Variants in CABP1 observed in about 807,000 individuals in gnomAD.
The protein encoded by CABP1 is calcium binding protein 1.
Under a neutral mutation model 34.3 loss-of-function variants are expected in CABP1, and 17 were observed. The ratio of observed to expected loss-of-function variants is 0.50; its 90% CI spans 0.34 to 0.74. The LOEUF (loss-of-function observed/expected upper bound fraction) is 0.74, where lower values mean the gene tolerates loss of function less well. Among genes scored for constraint, CABP1 ranks in the 30% least tolerant of loss-of-function variants. CABP1 has a pLI of 0.01. For missense variants in CABP1, 373 were observed against 511.1 expected, an observed-to-expected ratio of 0.73 and a Z score of 2.61; for synonymous variants, 198 against 229.2, an observed-to-expected ratio of 0.86 and a Z score of 1.23.
In CABP1 at chr12:120,640,650, A is replaced by AGCTCCGG. The variant is rs1879270048; in HGVS notation, c.-26_-20dup. 1 of 1,125,970 alleles carries AGCTCCGG rather than the reference A, an allele frequency of 8.9e-7. No individual in the cohort carries two copies. The highest frequency in any genetic ancestry group is 4.4e-5 in the East Asian group (1 of 22,762). The allele number at this position is 1,125,970 out of a possible 1,614,324, so 69.7% of individuals were successfully genotyped here. On this transcript the variant is annotated 5_prime_UTR_variant, in exon 1 of 6. Transcript: ENST00000316803. The surrounding 1 kb of genome is among the most constrained non-coding windows in gnomAD (Gnocchi z 6.2). ...CAGATCTGCACCGCCAGCCGCCGGG[A>AGCTCCGG]GCTCCGGGCTCCGGGCGTAGAGGCT...
At chr12:120,664,288 T>C (rs1880831445) in intron 5 of CABP1, among the ~76,000 whole-genome samples, 5 of 152,002 alleles carry the variant, frequency 3.3e-5, no homozygotes, top group Admixed American at 3.3e-4. Flanking sequence ...GGGGCTGCTA[T>C]AGAGGGGGCG....
At chr12:120,649,973 G>A (rs1413885256) in intron 1 of CABP1, 1 of 152,272 alleles carries the variant, frequency 6.6e-6, no homozygotes, top group African/African-American at 2.4e-5. Context: ...ATCTCCCTGA[G>A]CGCTTGTGTG....
chr12:120,648,926 C>G (rs974229859), intron 1 of CABP1, among the ~76,000 whole-genome samples: 1 of 151,746 alleles, frequency 6.6e-6, no homozygotes, highest in African/African-American at 2.4e-5. Flanking sequence ...CAACCCCAGA[C>G]CTCCCCGTCC....
intron 1 of CABP1, chr12:120,650,740 G>A: frequency 6.4e-7 from 1 of 1,560,514 alleles, no homozygotes; most frequent in Non-Finnish European, 8.8e-7. Context: ...CTCACCATCT[G>A]TCTCAGAGGT....
At chr12:120,643,963 A>G (rs1444349515) in intron 1 of CABP1, among the ~76,000 whole-genome samples, 7 of 152,240 alleles carry the variant, frequency 4.6e-5, no homozygotes, top group Non-Finnish European at 1.0e-4. Context: ...CTGAAGGCAC[A>G]AAGATGAATT....
At chr12:120,642,995 G>GGAA (rs530595621) in intron 1 of CABP1, among the ~76,000 whole-genome samples, 2 of 69,502 alleles carry the variant, frequency 2.9e-5, no homozygotes, top group African/African-American at 7.6e-5. Flanking sequence ...CTCAGCTCCT[G>GGAA]AAAAAAAAAA....
At chr12:120,647,801 C>T (rs940769850) in intron 1 of CABP1, among the ~76,000 whole-genome samples, 2 of 148,256 alleles carry the variant, frequency 1.3e-5, no homozygotes, top group Non-Finnish European at 3.0e-5. Context: ...AGGCTGGCCT[C>T]GAACTCCTGA....
intron 1 of CABP1, among the ~76,000 whole-genome samples, chr12:120,645,025 G>A (rs1443012688): frequency 2.6e-5 from 4 of 152,132 alleles, no homozygotes; most frequent in Non-Finnish European, 5.9e-5. Context: ...GGCTGGTCTC[G>A]AACTCCTGAC....
At position 120,652,857 on chromosome 12, in the gene CABP1, G is replaced by C. The variant is rs555701241; in HGVS notation, c.655-7021G>C. On this transcript the variant is annotated intron_variant, in intron 1 of 5. Transcript: ENST00000316803. ...TGCCATGCCACACTTAGGAGACGTT[G>C]CCTTGGTGCCAGGAGAAATTGTCGG... 1.8e-4 allele frequency among the ~76,000 whole-genome samples: 28 copies of C among 152,284 alleles called. 1 individual carries two copies. The South Asian group carries it at 4.6e-3, about 25-fold the overall frequency.
In CABP1 at chr12:120,659,875, C is replaced by T; in HGVS notation, c.655-3C>T. 1 of 1,613,754 alleles carries T rather than the reference C, an allele frequency of 6.2e-7. No homozygotes were observed. The highest frequency in any genetic ancestry group is 8.5e-7 in the Non-Finnish European group (1 of 1,179,898). On this transcript the variant is annotated splice_polypyrimidine_tract_variant and splice_region_variant and intron_variant, in intron 1 of 5. Transcript: ENST00000316803. ...GCTAATAGGACATGTTCTTTTGTTTCAGGATAGATCACTGCGACCAGAGGA... is the reference window on the plus strand; with the variant it reads ...GCTAATAGGACATGTTCTTTTGTTTTAGGATAGATCACTGCGACCAGAGGA...
At chr12:120,671,363 A>G (rs888498177), downstream of CABP1, among the ~76,000 whole-genome samples, 2 of 152,164 alleles carry the variant, frequency 1.3e-5, no homozygotes, top group Non-Finnish European at 2.9e-5. Context: ...GCGCCACTGC[A>G]CTCCAGCCTG....
In CABP1 at chr12:120,660,456, G is replaced by T. The variant is rs1297917392; in HGVS notation, c.829+117G>T. 6.1e-6 allele frequency: 7 copies of T among 1,156,168 alleles called. No homozygotes were observed. Among genetic ancestry groups the T allele is most frequent in the Non-Finnish European group, 8.5e-6 (7 of 823,550 alleles). 71.6% of individuals were successfully genotyped at this position (1,156,168 alleles called of 1,614,324 possible). On this transcript the variant is annotated intron_variant, in intron 3 of 5. Coordinates refer to ENST00000316803, the MANE Select transcript of CABP1 (RefSeq NM_001033677.2). This position sits in a 1 kb window ranked among gnomAD's most constrained non-coding sequence, Gnocchi z 5.0. ...ACCTCTTACCAGCTCTGTGATCTGG[G>T]GCCAACCACTTACCCTCTCTGAGCC...
chr12:120,660,120 C>T lies in CABP1; in HGVS notation c.686-76C>T. 3.8e-6 allele frequency: 6 copies of T among 1,572,368 alleles called. No individual in the cohort carries two copies. The highest frequency in any genetic ancestry group is 5.2e-6 in the Non-Finnish European group (6 of 1,151,384). On this transcript the variant is annotated intron_variant, in intron 2 of 5. Coordinates refer to ENST00000316803, the MANE Select transcript of CABP1 (RefSeq NM_001033677.2). The surrounding 1 kb of genome is among the most constrained non-coding windows in gnomAD (Gnocchi z 5.0). ...GGGCCTCTCTTTCCATGCCGGTGGG[C>T]CTTTGGGCTGCCTTTGCCCACAGAG...
At chr12:120,668,313 C>T (rs997652393), downstream of CABP1, among the ~76,000 whole-genome samples, 9 of 152,170 alleles carry the variant, frequency 5.9e-5, no homozygotes, top group Admixed American at 4.6e-4. Context: ...ACCTGACCAA[C>T]GTGGCCTGTC....
chr12:120,660,015 C>CG lies in CABP1; in HGVS notation c.685+111dup. The CG allele has an allele frequency of 7.7e-7, 1 of 1,304,504 alleles. No individual in the cohort carries two copies. The highest frequency in any genetic ancestry group is 1.1e-6 in the Non-Finnish European group (1 of 922,676). The allele number at this position is 1,304,504 out of a possible 1,614,324, so 80.8% of individuals were successfully genotyped here. On this transcript the variant is annotated intron_variant, in intron 2 of 5. Transcript: ENST00000316803. This position sits in a 1 kb window ranked among gnomAD's most constrained non-coding sequence, Gnocchi z 5.0. ...CCTGGAAATGGGGCCTGGTGCAACG[C>CG]GGGGTATCTTCTGTGAAACCAGCTG...
intron 1 of CABP1, among the ~76,000 whole-genome samples, chr12:120,654,611 C>T (rs117706150): frequency 6.6e-6 from 1 of 150,782 alleles, no homozygotes. Context: ...CTAAATCCCC[C>T]CACATTGAAG....
intron 1 of CABP1, chr12:120,655,716 T>A: frequency 6.9e-7 from 1 of 1,442,536 alleles, no homozygotes; most frequent in Non-Finnish European, 9.1e-7. Context: ...GTTGTCTCAT[T>A]AGGCTCTGAG....
intron 1 of CABP1, among the ~76,000 whole-genome samples, chr12:120,654,497 G>T (rs1481323717): frequency 6.6e-6 from 1 of 152,236 alleles, no homozygotes; most frequent in East Asian, 1.9e-4. Context: ...ACTGCAAGTA[G>T]AATGCAGTAG....
At chr12:120,644,720 G>A (rs1445155623) in intron 1 of CABP1, among the ~76,000 whole-genome samples, 2 of 152,164 alleles carry the variant, frequency 1.3e-5, no homozygotes, top group Non-Finnish European at 2.9e-5. Context: ...GCACATAGCA[G>A]GATCACAGTA....
Sources: gnomAD v4.1 joint callset for allele counts (sites outside exome capture counted in the v4.1 genomes callset) on GRCh38, gnomAD v4.1.1 for gene constraint, Gnocchi (gnomAD v3.1) non-coding constraint, MANE v1.5 for transcripts, NCBI Gene and HGNC (gene_info 2026-07-23, HGNC 2026-07-21) for gene names.